Variants in ZFHX3 observed in about 807,000 individuals in gnomAD.
The protein encoded by ZFHX3 is zinc finger homeobox 3.
In ZFHX3, 42 loss-of-function variants were observed where a neutral mutation model predicts 279.1. The observed-to-expected ratio is 0.15, with a 90% CI of 0.12 to 0.19. The LOEUF (loss-of-function observed/expected upper bound fraction) is 0.19. Ranked by LOEUF, ZFHX3 falls within the 10% of genes least tolerant of loss-of-function variation. The pLI, the probability that ZFHX3 is intolerant of heterozygous loss-of-function variation, is 1.00. For missense variants in ZFHX3, 4,981 were observed against 4,754.0 expected (o/e 1.05, Z -1.40); for synonymous variants, 2,293 against 1,957.8 (o/e 1.17, Z -4.52).
At chr16:73,278,749 G>A (rs8049761) in intron 4 of ZFHX3, among the ~76,000 whole-genome samples, 27,257 of 151,814 alleles carry the variant, frequency 0.18, 3,268 homozygotes, top group African/African-American at 0.34. Flanking sequence ...CATTTTACAG[G>A]GCACTGATAG....
intron 3 of ZFHX3, among the ~76,000 whole-genome samples, chr16:73,370,089 G>C (rs1296716875): frequency 6.6e-6 from 1 of 152,166 alleles, no homozygotes; most frequent in Non-Finnish European, 1.5e-5. Context: ...CAGTCTTCCG[G>C]CTTCCTGCTG....
intron 5 of ZFHX3, among the ~76,000 whole-genome samples, chr16:73,180,530 C>CCAAT (rs1199246952): frequency 1.3e-5 from 2 of 152,158 alleles, no homozygotes; most frequent in East Asian, 3.9e-4. Context: ...GCATGTGTAG[C>CCAAT]CAATCAACTT....
At chr16:73,166,446 A>G (rs1967370077) in intron 5 of ZFHX3, among the ~76,000 whole-genome samples, 1 of 152,166 alleles carries the variant, frequency 6.6e-6, no homozygotes, top group Non-Finnish European at 1.5e-5. Flanking sequence ...AGGCATTTGG[A>G]TAACATTTCT....
At chr16:73,676,897 A>G (rs1256428891) in intron 2 of ZFHX3, among the ~76,000 whole-genome samples, 1 of 152,028 alleles carries the variant, frequency 6.6e-6, no homozygotes, top group African/African-American at 2.4e-5. Context: ...AATACAATTC[A>G]ACACAAATAT....
At chr16:73,864,799 CAA>C (rs1961970279) in intron 1 of ZFHX3, among the ~76,000 whole-genome samples, 2 of 34,948 alleles carry the variant, frequency 5.7e-5, no homozygotes, top group Admixed American at 2.4e-4. Flanking sequence ...TTAGGCATCC[CAA>C]TACCCAATAA....
chr16:73,494,181 A>G (rs2019098476), intron 2 of ZFHX3, among the ~76,000 whole-genome samples: 1 of 152,178 alleles, frequency 6.6e-6, no homozygotes, highest in African/African-American at 2.4e-5. Context: ...ATCTGAAACC[A>G]GTTAGTCAAT....
intron 4 of ZFHX3, among the ~76,000 whole-genome samples, chr16:73,308,161 G>A (rs913502863): frequency 6.8e-6 from 1 of 147,770 alleles, no homozygotes; most frequent in Non-Finnish European, 1.5e-5. Flanking sequence ...CATATTTTGA[G>A]ATTTAGGTTT....
intron 4 of ZFHX3, among the ~76,000 whole-genome samples, chr16:72,845,947 T>C (rs2037468834): frequency 6.6e-6 from 1 of 152,160 alleles, no homozygotes; most frequent in South Asian, 2.1e-4. Context: ...GCTTAATGGC[T>C]ACCTCTAGAG....
intron 5 of ZFHX3, among the ~76,000 whole-genome samples, chr16:73,255,910 C>T (rs1366734792): frequency 6.6e-6 from 1 of 152,182 alleles, no homozygotes; most frequent in Non-Finnish European, 1.5e-5. Flanking sequence ...GGCATGGCCC[C>T]TTCTCTCTAG....
chr16:73,798,422 A>T (rs971685019), intron 1 of ZFHX3, among the ~76,000 whole-genome samples: 5 of 151,930 alleles, frequency 3.3e-5, no homozygotes, highest in African/African-American at 1.2e-4. Context: ...AAATTTAAGG[A>T]GAAGGTGCAT....
intron 1 of ZFHX3, among the ~76,000 whole-genome samples, chr16:73,026,192 C>CAAAAAAAAAAAAAA (rs60146795): frequency 4.2e-5 from 2 of 47,484 alleles, no homozygotes; most frequent in Non-Finnish European, 7.4e-5. Context: ...ACAAAAAATA[C>CAAAAAAAAAAAAAA]AAAAAAAAAA....
chr16:73,881,019 C>T (rs1423403425), intron 1 of ZFHX3, among the ~76,000 whole-genome samples: 1 of 152,158 alleles, frequency 6.6e-6, no homozygotes, highest in Non-Finnish European at 1.5e-5. Context: ...TGGGAAGGAA[C>T]TGAATACAAA....
At chr16:73,546,072 G>A (rs938420803) in intron 2 of ZFHX3, among the ~76,000 whole-genome samples, 3 of 152,174 alleles carry the variant, frequency 2.0e-5, no homozygotes, top group Admixed American at 2.0e-4. Flanking sequence ...TTAACTCAAT[G>A]TGAAGCCAGA....
At chr16:73,378,098 A>G (rs1364527649) in intron 3 of ZFHX3, among the ~76,000 whole-genome samples, 1 of 142,954 alleles carries the variant, frequency 7.0e-6, no homozygotes, top group African/African-American at 2.5e-5. Flanking sequence ...GTCCTTAGTT[A>G]GGATTAACTC....
intron 8 of ZFHX3, among the ~76,000 whole-genome samples, chr16:73,068,695 A>G (rs950135525): frequency 6.6e-6 from 1 of 152,200 alleles, no homozygotes; most frequent in African/African-American, 2.4e-5. Context: ...ACAGGAAGGG[A>G]TGATCAGATG....
chr16:72,875,778 G>T (rs2038294500), intron 4 of ZFHX3, among the ~76,000 whole-genome samples: 1 of 152,212 alleles, frequency 6.6e-6, no homozygotes, highest in African/African-American at 2.4e-5. Flanking sequence ...TCAAGCCTTT[G>T]TAAGAACATA....
At chr16:73,247,346 T>C (rs111065709) in intron 5 of ZFHX3, among the ~76,000 whole-genome samples, 27,352 of 151,738 alleles carry the variant, frequency 0.18, 3,997 homozygotes, top group East Asian at 0.46. Context: ...ACTGTGTATA[T>C]AACGTATTTG....
chr16:73,188,649 G>A (rs1967965824), intron 5 of ZFHX3, among the ~76,000 whole-genome samples: 2 of 152,138 alleles, frequency 1.3e-5, no homozygotes, highest in African/African-American at 4.8e-5. Flanking sequence ...GTAGAATAAA[G>A]CCCTGGCATC....
At chr16:73,057,481 G>T (rs1195825457) in intron 1 of ZFHX3, among the ~76,000 whole-genome samples, 1 of 151,492 alleles carries the variant, frequency 6.6e-6, no homozygotes, top group African/African-American at 2.4e-5. Flanking sequence ...GAGTGGAGCC[G>T]GGCGAGGGGT....
Sources: gnomAD v4.1 joint callset for allele counts (sites outside exome capture counted in the v4.1 genomes callset) on GRCh38, gnomAD v4.1.1 for gene constraint, MANE v1.5 for transcripts, NCBI Gene and HGNC (gene_info 2026-07-23, HGNC 2026-07-21) for gene names.